Variants in FAM135A observed in about 807,000 individuals in gnomAD.
FAM135A encodes the protein family with sequence similarity 135 member A.
FAM135A carries 79 observed loss-of-function variants against 146.8 expected under a neutral mutation model. The observed-to-expected ratio is 0.54, with a 90% confidence interval of 0.45 to 0.65. The LOEUF is 0.65. FAM135A is among the 30% of genes least tolerant of loss of function. The probability of loss-of-function intolerance (pLI) is 0.00; values close to 1 mark genes in which losing one functional copy is unlikely to be tolerated. For missense variants in FAM135A, 1,623 were observed against 1,758.2 expected, an observed-to-expected ratio of 0.92 and a Z score of 1.38; for synonymous variants, 562 against 603.6, an observed-to-expected ratio of 0.93 and a Z score of 1.01.
chr6:70,494,053 C>CAAAA (rs35693076), intron 11 of FAM135A, among the ~76,000 whole-genome samples: 3 of 81,988 alleles, frequency 3.7e-5, no homozygotes, highest in Admixed American at 1.4e-4. Context: ...GACTCTGTCT[C>CAAAA]AAAAAAAAAA....
At chr6:70,482,234 A>T (rs977968701) in intron 10 of FAM135A, 80 bp downstream of exon 10, 3 of 1,431,658 alleles carry the variant, frequency 2.1e-6, no homozygotes, top group African/African-American at 2.9e-5. Flanking sequence ...CAGCTTTGCC[A>T]TAGTTTTTCT....
intron 16 of FAM135A, among the ~76,000 whole-genome samples, chr6:70,532,755 AC>A: frequency 6.6e-6 from 1 of 152,148 alleles, no homozygotes; most frequent in Non-Finnish European, 1.5e-5. Context: ...ACACGGTGAA[AC>A]CCCATCTCTA....
rs763324213 is a variant in FAM135A at position 70,428,452 on chromosome 6, G to T, written c.77+33G>T. 2.7e-6 allele frequency: 4 copies of T among 1,472,358 alleles called. No individual in the cohort carries two copies. The East Asian group carries it at 9.4e-5, about 35-fold the overall frequency. The allele number at this position is 1,472,358 out of a possible 1,614,324, so 91.2% of individuals were successfully genotyped here. A position where few individuals can be genotyped will look rare whatever the true frequency, so the allele number is the denominator to read the frequency against. On this transcript the variant is annotated intron_variant, in intron 4 of 21. Coordinates refer to ENST00000418814, the MANE Select transcript of FAM135A (RefSeq NM_001162529.3). ...TTTTATTGTGAAAATGATATATTTT[G>T]CATAAGATGTACAGTTTAAATTTAA...
chr6:70,536,967 C>T (rs906781817), intron 19 of FAM135A, among the ~76,000 whole-genome samples: 2 of 145,260 alleles, frequency 1.4e-5, no homozygotes, highest in Non-Finnish European at 3.0e-5. Context: ...GACAGAGTCT[C>T]ACTCTGTCAC....
Position 70,538,281 on chromosome 6 carries a change from G to A in FAM135A, c.4118-10G>A. The A allele has an allele frequency of 7.1e-7, 1 of 1,416,058 alleles. No individual in the cohort carries two copies. Among genetic ancestry groups the A allele is most frequent in the Non-Finnish European group, 9.4e-7 (1 of 1,067,600 alleles). The allele number at this position is 1,416,058 out of a possible 1,614,324, so 87.7% of individuals were successfully genotyped here. On this transcript the variant is annotated splice_polypyrimidine_tract_variant and intron_variant, in intron 19 of 21. Transcript: ENST00000418814. ...CATTTCATACTTCTATATCATATATGACTCTCTAGGTCTCTGGTTTATGCA... is the reference window on the plus strand; with the variant it reads ...CATTTCATACTTCTATATCATATATAACTCTCTAGGTCTCTGGTTTATGCA...
chr6:70,557,669 G>A (rs1420467083), intron 21 of FAM135A: 1 of 123,706 alleles, frequency 8.1e-6, no homozygotes, highest in East Asian at 2.3e-4. Flanking sequence ...ACTGCAGCCT[G>A]AGAGACAAGA....
intron 10 of FAM135A, among the ~76,000 whole-genome samples, chr6:70,483,020 T>C (rs1784023405): frequency 6.6e-6 from 1 of 152,192 alleles, no homozygotes; most frequent in African/African-American, 2.4e-5. Context: ...ATTTCAGTCT[T>C]TTAACAATAT....
intron 11 of FAM135A, among the ~76,000 whole-genome samples, chr6:70,499,344 C>G (rs1317342939): frequency 6.6e-6 from 1 of 152,116 alleles, no homozygotes; most frequent in Non-Finnish European, 1.5e-5. Context: ...GTAAATATTC[C>G]TCCATCCCTT....
intron 20 of FAM135A, among the ~76,000 whole-genome samples, chr6:70,554,114 A>T (rs569794473): frequency 5.3e-4 from 80 of 152,344 alleles, no homozygotes; most frequent in African/African-American, 1.9e-3. Flanking sequence ...TGAGGAGCAG[A>T]TACAAAAATG....
At chr6:70,511,862 G>C (rs1791067220) in intron 12 of FAM135A, among the ~76,000 whole-genome samples, 1 of 151,836 alleles carries the variant, frequency 6.6e-6, no homozygotes, top group Admixed American at 6.6e-5. Context: ...TGACTGTACT[G>C]AATACTGTGT....
chr6:70,417,562 G>A (rs1767838319), intron 2 of FAM135A: 1 of 961,080 alleles, frequency 1.0e-6, no homozygotes, highest in Non-Finnish European at 1.2e-6. Flanking sequence ...TTTTGCTACT[G>A]GTCTTAATTT....
At chr6:70,534,312 C>CTTT (rs1179072858) in intron 18 of FAM135A, among the ~76,000 whole-genome samples, 8 of 89,842 alleles carry the variant, frequency 8.9e-5, no homozygotes, top group African/African-American at 1.9e-4. Flanking sequence ...AGTTTGTATA[C>CTTT]TTTTTTTTTT....
At position 70,560,455 on chromosome 6, in the gene FAM135A, G is replaced by T. The variant is rs184602947; in HGVS notation, c.*534G>T. The stretch of plus-strand genomic sequence containing the variant: ...CAACTTTATCATACAATCAAACCAG[G>T]TAGTTCATATAAAACAGTGTAATAC... On this transcript the variant is annotated 3_prime_UTR_variant, in exon 22 of 22. Transcript: ENST00000418814. 1.3e-5 allele frequency: 2 copies of T among 152,898 alleles called. No individual in the cohort carries two copies. The highest frequency in any genetic ancestry group is 2.9e-5 in the Non-Finnish European group (2 of 68,232). 9.5% of individuals were successfully genotyped at this position (152,898 alleles called of 1,614,324 possible). A position where few individuals can be genotyped will look rare whatever the true frequency, so the allele number is the denominator to read the frequency against.
intron 19 of FAM135A, among the ~76,000 whole-genome samples, chr6:70,536,708 G>A (rs1286298558): frequency 6.6e-6 from 1 of 151,370 alleles, no homozygotes; most frequent in African/African-American, 2.4e-5. Flanking sequence ...AAACAGTTTT[G>A]TCATCCCATT....
intron 11 of FAM135A, among the ~76,000 whole-genome samples, chr6:70,491,814 C>A (rs1786042003): frequency 6.6e-6 from 1 of 151,758 alleles, no homozygotes; most frequent in African/African-American, 2.4e-5. Context: ...ATGATAATTG[C>A]TCAAAAGAAC....
At chr6:70,505,354 C>T (rs1789517695) in intron 12 of FAM135A, among the ~76,000 whole-genome samples, 1 of 152,090 alleles carries the variant, frequency 6.6e-6, no homozygotes, top group South Asian at 2.1e-4. Context: ...TTCAGGAACA[C>T]ATTGAATTCA....
At chr6:70,436,717 G>A (rs565860836) in intron 4 of FAM135A, among the ~76,000 whole-genome samples, 61 of 152,206 alleles carry the variant, frequency 4.0e-4, no homozygotes, top group African/African-American at 1.4e-3. Flanking sequence ...CATTCTTTAG[G>A]TGAGAAAGGA....
intron 10 of FAM135A, among the ~76,000 whole-genome samples, chr6:70,484,895 A>G (rs934740029): frequency 1.3e-5 from 2 of 152,176 alleles, no homozygotes; most frequent in Admixed American, 1.3e-4. Flanking sequence ...AAGATTTTCA[A>G]CTTTTTCTCT....
intron 21 of FAM135A, among the ~76,000 whole-genome samples, chr6:70,558,355 C>A (rs1259681775): frequency 6.6e-6 from 1 of 152,204 alleles, no homozygotes; most frequent in Non-Finnish European, 1.5e-5. Flanking sequence ...CTCACACGTT[C>A]CATGGACACT....
Sources: allele counts gnomAD v4.1 joint callset (sites outside exome capture counted in the v4.1 genomes callset), GRCh38; gene constraint gnomAD v4.1.1; transcripts MANE v1.5; gene names NCBI Gene and HGNC (gene_info 2026-07-23, HGNC 2026-07-21).